SH3RF3: variants seen among roughly 807,000 people sequenced by gnomAD.
The protein encoded by SH3RF3 is E3 ubiquitin-protein ligase SH3RF3.
Under a neutral mutation model 66.3 loss-of-function variants are expected in SH3RF3, and 29 were observed. The observed-to-expected ratio is 0.44, with a 90% CI of 0.33 to 0.60. The LOEUF (loss-of-function observed/expected upper bound fraction) is 0.60. SH3RF3 is among the 20% of genes least tolerant of loss of function. SH3RF3 has a pLI of 0.04. For synonymous variants in SH3RF3, 583 were observed against 532.0 expected, an observed-to-expected ratio of 1.10 and a Z score of -1.32; for missense variants, 1,194 against 1,190.9, an observed-to-expected ratio of 1.00 and a Z score of -0.04.
intron 1 of SH3RF3, among the ~76,000 whole-genome samples, chr2:109,233,448 C>T (rs564231066): frequency 2.0e-5 from 3 of 152,240 alleles, no homozygotes; most frequent in African/African-American, 7.2e-5. Context: ...CCCTCCTCTG[C>T]TGCACTGCTC....
intron 8 of SH3RF3, among the ~76,000 whole-genome samples, chr2:109,474,497 C>T (rs1001630419): frequency 1.3e-5 from 2 of 152,150 alleles, no homozygotes; most frequent in Non-Finnish European, 1.5e-5. Flanking sequence ...TGGGGACAGG[C>T]GGCAGCAGTG....
chr2:109,299,635 G>A (rs998518376), intron 1 of SH3RF3, among the ~76,000 whole-genome samples: 3 of 152,146 alleles, frequency 2.0e-5, no homozygotes, highest in African/African-American at 7.2e-5. Flanking sequence ...ACCTTGAATT[G>A]TAAGGCCCTT....
At chr2:109,501,294 C>T (rs1183358850) in intron 9 of SH3RF3, among the ~76,000 whole-genome samples, 2 of 152,098 alleles carry the variant, frequency 1.3e-5, no homozygotes, top group Middle Eastern at 6.8e-3. Flanking sequence ...AAAAGGACAG[C>T]AGGGGGAAAT....
At chr2:109,347,449 G>A (rs1559035889) in intron 1 of SH3RF3, among the ~76,000 whole-genome samples, 1 of 152,050 alleles carries the variant, frequency 6.6e-6, no homozygotes, top group Non-Finnish European at 1.5e-5. Context: ...GTCCTTTTTA[G>A]GAGGAATGGC....
intron 1 of SH3RF3, among the ~76,000 whole-genome samples, chr2:109,162,285 T>C (rs1415969985): frequency 1.3e-5 from 2 of 152,230 alleles, no homozygotes; most frequent in African/African-American, 4.8e-5. Flanking sequence ...TTAAAATTCC[T>C]AAAAGGCGCT....
chr2:109,243,673 G>A (rs147963663), intron 1 of SH3RF3, among the ~76,000 whole-genome samples: 164 of 152,294 alleles, frequency 1.1e-3, no homozygotes, highest in Non-Finnish European at 1.9e-3. Context: ...GGGCCAGGGA[G>A]GCAAAGGTCG....
chr2:109,462,565 T>C (rs13396758), intron 8 of SH3RF3, among the ~76,000 whole-genome samples: 6,284 of 152,254 alleles, frequency 0.041, 253 homozygotes, highest in African/African-American at 0.099. Context: ...AAGTCTTTGA[T>C]GGTGGCACTA....
chr2:109,226,422 T>A (rs1679374981), intron 1 of SH3RF3, among the ~76,000 whole-genome samples: 2 of 152,320 alleles, frequency 1.3e-5, no homozygotes, highest in African/African-American at 4.8e-5. Context: ...ATGTGAGGTC[T>A]AATGACACAC....
intron 1 of SH3RF3, among the ~76,000 whole-genome samples, chr2:109,131,935 A>G (rs1307482604): frequency 1.3e-5 from 2 of 152,234 alleles, no homozygotes; most frequent in East Asian, 3.9e-4. Context: ...CTATACTACC[A>G]TGCTGGGATA....
intron 1 of SH3RF3, among the ~76,000 whole-genome samples, chr2:109,325,575 C>T (rs896476840): frequency 1.3e-5 from 2 of 152,106 alleles, no homozygotes; most frequent in Non-Finnish European, 2.9e-5. Flanking sequence ...CTTAATATGG[C>T]TGCTCTGAGT....
At chr2:109,236,325 A>G (rs975956367) in intron 1 of SH3RF3, among the ~76,000 whole-genome samples, 5 of 152,168 alleles carry the variant, frequency 3.3e-5, no homozygotes, top group African/African-American at 7.2e-5. Flanking sequence ...ATAATGAGCA[A>G]TGCCCAGCAG....
intron 1 of SH3RF3, among the ~76,000 whole-genome samples, chr2:109,249,457 TTCTC>T (rs1003289407): frequency 6.8e-6 from 1 of 147,084 alleles, no homozygotes; most frequent in Non-Finnish European, 1.5e-5. Flanking sequence ...CTCTCTCTCT[TTCTC>T]TCTTTCTCTT....
intron 5 of SH3RF3, among the ~76,000 whole-genome samples, chr2:109,422,984 G>A (rs1333414883): frequency 1.3e-5 from 2 of 152,192 alleles, no homozygotes; most frequent in African/African-American, 2.4e-5. Context: ...CCACGTACCT[G>A]CAATCTGAGA....
At chr2:109,233,826 T>C (rs1679579626) in intron 1 of SH3RF3, among the ~76,000 whole-genome samples, 2 of 152,240 alleles carry the variant, frequency 1.3e-5, no homozygotes, top group Non-Finnish European at 2.9e-5. Flanking sequence ...TGAGTCTGGC[T>C]TCTCTCACTT....
chr2:109,139,584 T>C (rs1300536126), intron 1 of SH3RF3, among the ~76,000 whole-genome samples: 1 of 152,208 alleles, frequency 6.6e-6, no homozygotes, highest in Middle Eastern at 3.2e-3. Context: ...ATGTGTTCCT[T>C]ATGGAATTGG....
At chr2:109,267,452 C>T (rs773252312) in intron 1 of SH3RF3, among the ~76,000 whole-genome samples, 15 of 152,226 alleles carry the variant, frequency 9.9e-5, no homozygotes, top group South Asian at 2.1e-4. Context: ...GCCTGGCTCC[C>T]GGGCTGCTTT....
intron 1 of SH3RF3, among the ~76,000 whole-genome samples, chr2:109,176,326 A>G (rs1228463823): frequency 6.6e-6 from 1 of 152,198 alleles, no homozygotes; most frequent in Non-Finnish European, 1.5e-5. Flanking sequence ...GGCTGGAAGG[A>G]GGTGTTTTGA....
intron 5 of SH3RF3, among the ~76,000 whole-genome samples, chr2:109,428,969 G>T (rs1329128697): frequency 6.6e-6 from 1 of 152,178 alleles, no homozygotes; most frequent in African/African-American, 2.4e-5. Context: ...ACTGAGTGCA[G>T]GGGACGCCAT....
chr2:109,319,560 G>GA (rs1681970204), intron 1 of SH3RF3, among the ~76,000 whole-genome samples: 1 of 152,238 alleles, frequency 6.6e-6, no homozygotes, highest in African/African-American at 2.4e-5. Flanking sequence ...TCACAGGGCT[G>GA]AAAACAAGCC....
Sources: allele counts gnomAD v4.1 joint callset (sites outside exome capture counted in the v4.1 genomes callset), GRCh38; gene constraint gnomAD v4.1.1; transcripts MANE v1.5; gene names NCBI Gene and HGNC (gene_info 2026-07-23, HGNC 2026-07-21).